The following NGDN variants were observed in gnomAD, a reference collection of about 807,000 sequenced individuals.
The protein encoded by NGDN is neuroguidin, also known as EIF4E-binding protein.
NGDN carries 41 observed loss-of-function variants against 45.2 expected under a neutral mutation model. The observed-to-expected ratio is 0.91, with a 90% CI of 0.71 to 1.18. The LOEUF (loss-of-function observed/expected upper bound fraction) is 1.18. Among genes scored for constraint, NGDN ranks in the 50% most tolerant of loss-of-function variants. The probability of loss-of-function intolerance (pLI) is 0.00; values close to 1 mark genes in which losing one functional copy is unlikely to be tolerated. For missense variants in NGDN, 402 were observed against 399.9 expected, an observed-to-expected ratio of 1.01 and a Z score of -0.05; for synonymous variants, 137 against 130.9, an observed-to-expected ratio of 1.05 and a Z score of -0.32.
chr14:23,471,608 C>G (rs1468694212), intron 3 of NGDN: 2 of 152,296 alleles, frequency 1.3e-5, no homozygotes, highest in African/African-American at 4.8e-5. Context: ...CGCTTGAGCT[C>G]AGGAGTTCGG....
chr14:23,475,011 C>T (rs902454519), intron 3 of NGDN, among the ~76,000 whole-genome samples, 160 bp from the exon 4 acceptor site: 1 of 152,138 alleles, frequency 6.6e-6, no homozygotes, highest in Non-Finnish European at 1.5e-5. Context: ...TTCTCATTGG[C>T]CTTCTTAGGC....
In NGDN at chr14:23,475,272, A is replaced by G; in HGVS notation, c.246A>G (p.Gly82=). ...AAGCCTCAGGAGGATCTCTTCAGGG[A>G]CATGATGCAGTTTTGAGACTGGTGG... The part of the protein sequence containing the change: ...LDKASGGSLQ[G]HDAVLRLVEI... The change falls in exon 4 of 11, where the codon GGA becomes GGG. Residue 82 remains glycine (G), a synonymous_variant. Transcript: ENST00000408901. 3.7e-6 allele frequency: 6 copies of G among 1,613,960 alleles called. No homozygotes were observed. In the South Asian group the frequency reaches 6.6e-5, roughly 18 times the overall value.
chr14:23,470,794 T>C (rs1893758575), intron 2 of NGDN, 112 bp from the exon 3 acceptor site: 3 of 735,520 alleles, frequency 4.1e-6, no homozygotes, highest in Non-Finnish European at 6.8e-6. Flanking sequence ...TACTATACTT[T>C]AGACAGTGTT....
downstream of NGDN, chr14:23,478,326 AT>A (rs1893952026): frequency 2.9e-6 from 1 of 346,444 alleles, no homozygotes; most frequent in Admixed American, 4.5e-5. Flanking sequence ...AAAACTAAAA[AT>A]TGGTTACGTC....
At chr14:23,476,217 C>G in intron 7 of NGDN, 22 bp from the exon 8 acceptor site, 2 of 1,613,752 alleles carry the variant, frequency 1.2e-6, no homozygotes, top group Non-Finnish European at 1.7e-6. Context: ...CTTGGATAAC[C>G]CTGCTTATTT....
In NGDN at chr14:23,475,245, C is replaced by G. The variant is rs951675655; in HGVS notation, c.219C>G (p.Asp73Glu). 1.1e-5 allele frequency: 18 copies of G among 1,614,064 alleles called. No homozygotes were observed. Among genetic ancestry groups the G allele is most frequent in the Non-Finnish European group, 1.4e-5 (16 of 1,179,920 alleles). ...TGGATTTGACCCACCTCATTCTGGACAAAGCCTCAGGAGGATCTCTTCAGG... is the reference window on the plus strand; with the variant it reads ...TGGATTTGACCCACCTCATTCTGGAGAAAGCCTCAGGAGGATCTCTTCAGG... ...YLMDLTHLIL[D>E]KASGGSLQGH... The change falls in exon 4 of 11, where the codon GAC becomes GAG. Residue 73 changes from aspartate (D) to glutamate (E), a missense_variant. Asp to Glu is a conservative substitution (Grantham distance 45). Coordinates refer to ENST00000408901, the MANE Select transcript of NGDN (RefSeq NM_001042635.2).
chr14:23,476,636 C>T (rs562969769), intron 8 of NGDN, among the ~76,000 whole-genome samples: 2 of 152,120 alleles, frequency 1.3e-5, no homozygotes, highest in South Asian at 2.1e-4. Flanking sequence ...CATTGCAATT[C>T]GACATGAGAT....
Position 23,477,317 on chromosome 14 carries a change from C to T in NGDN, c.831C>T (p.Asp277=), listed in dbSNP as rs375962523. The T allele has an allele frequency of 3.1e-6, 5 of 1,614,080 alleles. No individual in the cohort carries two copies. In the African/African-American group the frequency reaches 4.0e-5, roughly 13 times the overall value. Residue 277 remains aspartate, a synonymous_variant, in exon 9 of 11, where the codon GAC becomes GAT. Transcript: ENST00000408901. Reference sequence around the variant, plus strand: ...TTCATTCCCTTACACACTTCAGTGACATCAGTGCTTTGACAGGGGGAACTG... The same window carrying T: ...TTCATTCCCTTACACACTTCAGTGATATCAGTGCTTTGACAGGGGGAACTG... ...SQLHSLTHFS[D]ISALTGGTVH...
At chr14:23,472,389 A>G (rs1212742359) in intron 3 of NGDN, among the ~76,000 whole-genome samples, 1 of 151,824 alleles carries the variant, frequency 6.6e-6, no homozygotes, top group Non-Finnish European at 1.5e-5. Flanking sequence ...AATCCCGGTT[A>G]CTCGGGAGGC....
Position 23,476,133 on chromosome 14 carries a change from C to G in NGDN, c.525C>G (p.Arg175=), listed in dbSNP as rs1893896710. The G allele has an allele frequency of 6.2e-7, 1 of 1,614,060 alleles. No individual in the cohort carries two copies. ...KGVSKKYVPP[R]LVPVHYDETE... ...TGTCTAAGAAATATGTTCCTCCACG[C>G]TTGGTTCCAGTACATTATGGTATAA... The change falls in exon 7 of 11, where the codon CGC becomes CGG. Residue 175 remains arginine (R), a synonymous_variant. Coordinates refer to ENST00000408901, the MANE Select transcript of NGDN (RefSeq NM_001042635.2).
At position 23,475,544 on chromosome 14, in the gene NGDN, C is replaced by T; in HGVS notation, c.283-14C>T. The T allele has an allele frequency of 6.2e-7, 1 of 1,611,770 alleles. No homozygotes were observed. On this transcript the variant is annotated splice_polypyrimidine_tract_variant and intron_variant, in intron 4 of 10. Transcript: ENST00000408901. ...GGGAAGGAAATATAATCCTGATTAA[C>T]TACCATGTTGTAGGTTTTGGAAAAG...
intron 3 of NGDN, among the ~76,000 whole-genome samples, chr14:23,473,302 G>A (rs1331685501): frequency 6.6e-6 from 1 of 152,028 alleles, no homozygotes; most frequent in Non-Finnish European, 1.5e-5. Context: ...CCAGGCCTTG[G>A]GTACCATGCC....
intron 2 of NGDN, 175 bp downstream of exon 2, chr14:23,470,276 G>A (rs1893744182): frequency 8.6e-6 from 5 of 579,938 alleles, no homozygotes; most frequent in South Asian, 4.4e-5. Flanking sequence ...TGCACCCAAG[G>A]GAATACAAGA....
chr14:23,470,874 C>T (rs1001842060), intron 2 of NGDN, 32 bp from the exon 3 acceptor site: 3 of 1,431,642 alleles, frequency 2.1e-6, no homozygotes, highest in Admixed American at 2.7e-5. Context: ...TTGATATAAT[C>T]TAATCACTTG....
In NGDN at chr14:23,477,335, G is replaced by A. The variant is rs1194855745; in HGVS notation, c.849G>A (p.Gly283=). The A allele has an allele frequency of 1.2e-6, 2 of 1,614,194 alleles. No individual in the cohort carries two copies. The highest frequency in any genetic ancestry group is 2.2e-5 in the South Asian group (2 of 91,082). Residue 283 remains glycine (G), a synonymous_variant, in exon 9 of 11, where the codon GGG becomes GGA. Coordinates refer to ENST00000408901, the MANE Select transcript of NGDN (RefSeq NM_001042635.2). ...THFSDISALT[G]GTVHLDEDQN... is the part of the protein sequence containing the mutation. ...TCAGTGACATCAGTGCTTTGACAGG[G>A]GGAACTGTTCATCTTGATGAGGTGA...
Position 23,475,739 on chromosome 14 carries a change from A to T in NGDN, c.381A>T (p.Pro127=). ...AVTGSLSEND[P]LRFKPHPSNM... is the part of the protein sequence containing the mutation. ...TATTTATTTCAGGTGAGAATGACCC[A>T]CTTCGTTTTAAGCCTCATCCCAGCA... The change falls in exon 6 of 11, where the codon CCA becomes CCT. Residue 127 remains proline, a synonymous_variant. Coordinates refer to ENST00000408901, the MANE Select transcript of NGDN (RefSeq NM_001042635.2). 6.2e-7 allele frequency: 1 copy of T among 1,613,648 alleles called. No individual in the cohort carries two copies. Among genetic ancestry groups the T allele is most frequent in the Non-Finnish European group, 8.5e-7 (1 of 1,180,012 alleles).
At chr14:23,470,131 G>A (rs1893740775) in intron 2 of NGDN, 30 bp downstream of exon 2, 1 of 1,598,920 alleles carries the variant, frequency 6.3e-7, no homozygotes, top group Non-Finnish European at 8.6e-7. Flanking sequence ...GAATAAATTA[G>A]TCACGGATTG....
chr14:23,475,709 T>C lies in NGDN; in HGVS notation c.368-17T>C, dbSNP rs942497780. 1 of 1,614,006 alleles carries C rather than the reference T, an allele frequency of 6.2e-7. No individual in the cohort carries two copies. On this transcript the variant is annotated splice_polypyrimidine_tract_variant and intron_variant, in intron 5 of 10. Transcript: ENST00000408901. ...AAGTTCCAAATTTTGTAAAATTCAT[T>C]GGGTTATTTATTTCAGGTGAGAATG...
At chr14:23,476,005 T>C in intron 6 of NGDN, 24 bp from the exon 7 acceptor site, 1 of 1,614,066 alleles carries the variant, frequency 6.2e-7, no homozygotes. Flanking sequence ...CTTCCTAAAT[T>C]TGCAGACATT....
Sources: gnomAD v4.1 joint callset for allele counts (sites outside exome capture counted in the v4.1 genomes callset) on GRCh38, gnomAD v4.1.1 for gene constraint, MANE v1.5 for transcripts, NCBI Gene and HGNC (gene_info 2026-07-23, HGNC 2026-07-21) for gene names.